The following SLAIN1 variants were observed in gnomAD, a reference collection of about 807,000 sequenced individuals.
SLAIN1 encodes SLAIN family member 1.
A neutral mutation model predicts 55.4 loss-of-function variants in SLAIN1; 17 were observed. The ratio of observed to expected loss-of-function variants is 0.31; its 90% CI spans 0.21 to 0.46. The LOEUF (loss-of-function observed/expected upper bound fraction) is 0.46. SLAIN1 is among the 20% of genes least tolerant of loss of function. SLAIN1 has a pLI of 1.00. For synonymous variants in SLAIN1, 348 were observed against 337.4 expected, an observed-to-expected ratio of 1.03 and a Z score of -0.35; for missense variants, 682 against 785.1, an observed-to-expected ratio of 0.87 and a Z score of 1.57.
At chr13:77,743,239 T>A in intron 2 of SLAIN1, 1 of 1,151,630 alleles carries the variant, frequency 8.7e-7, no homozygotes, top group Non-Finnish European at 1.1e-6. Flanking sequence ...TATTCATCTT[T>A]CATTTGAAAA....
Position 77,697,989 on chromosome 13 carries a change from G to GAGCTGGAGGTGAAGA in SLAIN1, c.82_96dup (p.Glu28_Leu32dup). ...GGGCTCCGGGCCGGTGGTGAACGCGGAGCTGGAGGTGAAGAAGCTGCAGGA... is the reference window on the plus strand; with the variant it reads ...GGGCTCCGGGCCGGTGGTGAACGCGGAGCTGGAGGTGAAGAAGCTGGAGGTGAAGAAGCTGCAGGA... On this transcript the variant is annotated inframe_insertion, in exon 1 of 7. Transcript: ENST00000418532. The GAGCTGGAGGTGAAGA allele has an allele frequency of 6.9e-7, 1 of 1,444,552 alleles. No homozygotes were observed. Among genetic ancestry groups the GAGCTGGAGGTGAAGA allele is most frequent in the Non-Finnish European group, 9.2e-7 (1 of 1,089,390 alleles). 89.5% of individuals were successfully genotyped at this position (1,444,552 alleles called of 1,614,324 possible).
intron 2 of SLAIN1, among the ~76,000 whole-genome samples, chr13:77,731,442 G>T (rs1334925010): frequency 6.6e-6 from 1 of 152,118 alleles, no homozygotes; most frequent in Non-Finnish European, 1.5e-5. Flanking sequence ...ATCTTAAAAT[G>T]GTTGAAAGTT....
chr13:77,750,204 C>G (rs1242501777), intron 4 of SLAIN1, among the ~76,000 whole-genome samples: 2 of 151,968 alleles, frequency 1.3e-5, no homozygotes, highest in East Asian at 3.9e-4. Context: ...TTAAATATGG[C>G]AAAATGGAAA....
At chr13:77,708,742 G>C (rs1460092926) in intron 1 of SLAIN1, among the ~76,000 whole-genome samples, 5 of 152,122 alleles carry the variant, frequency 3.3e-5, no homozygotes, top group Non-Finnish European at 7.4e-5. Flanking sequence ...CGTCCACACA[G>C]AAACCCCATC....
intron 2 of SLAIN1, among the ~76,000 whole-genome samples, chr13:77,727,522 A>G (rs142709682): frequency 6.6e-6 from 1 of 151,848 alleles, no homozygotes; most frequent in East Asian, 1.9e-4. Context: ...AAAAACAAAA[A>G]CCCTCAAAAA....
chr13:77,699,561 G>T (rs2091010957), intron 1 of SLAIN1, among the ~76,000 whole-genome samples: 2 of 152,124 alleles, frequency 1.3e-5, no homozygotes, highest in African/African-American at 2.4e-5. Context: ...TTGCATGATT[G>T]CATGGAAGGG....
intron 2 of SLAIN1, among the ~76,000 whole-genome samples, chr13:77,735,086 C>T (rs1337609164): frequency 6.6e-6 from 1 of 151,838 alleles, no homozygotes; most frequent in African/African-American, 2.4e-5. Context: ...CTACAACTTG[C>T]TATAACATTT....
At position 77,760,928 on chromosome 13, in the gene SLAIN1, C is replaced by G; in HGVS notation, c.1515C>G (p.Thr505=). The change falls in exon 6 of 7, where the codon ACC becomes ACG. Residue 505 remains threonine, a synonymous_variant. Coordinates refer to ENST00000418532, the MANE Select transcript of SLAIN1 (RefSeq NM_001242868.2). ...PLKATAYVSP[T]VQGSSNMPLS... ...AAGCCACAGCCTATGTGAGTCCAAC[C>G]GTTCAAGGCAGCAGTAACATGCCTT... 1.9e-6 allele frequency: 3 copies of G among 1,614,140 alleles called. No homozygotes were observed. Among genetic ancestry groups the G allele is most frequent in the Non-Finnish European group, 2.5e-6 (3 of 1,180,016 alleles).
At chr13:77,721,619 C>A (rs2091263095) in intron 2 of SLAIN1, among the ~76,000 whole-genome samples, 1 of 151,734 alleles carries the variant, frequency 6.6e-6, no homozygotes, top group African/African-American at 2.4e-5. Flanking sequence ...GATAGATAGT[C>A]AATATTTTAG....
chr13:77,749,693 C>G (rs190508686), intron 4 of SLAIN1, among the ~76,000 whole-genome samples: 2 of 152,222 alleles, frequency 1.3e-5, no homozygotes, highest in African/African-American at 4.8e-5. Flanking sequence ...ACTTTTGGTT[C>G]CCTGAACTTT....
At chr13:77,725,553 T>G (rs1201832150) in intron 2 of SLAIN1, among the ~76,000 whole-genome samples, 1 of 152,240 alleles carries the variant, frequency 6.6e-6, no homozygotes, top group Non-Finnish European at 1.5e-5. Flanking sequence ...GCTTATGTAA[T>G]ATTTGAGCAA....
intron 1 of SLAIN1, among the ~76,000 whole-genome samples, chr13:77,701,691 G>A (rs1377642350): frequency 6.6e-6 from 1 of 152,062 alleles, no homozygotes; most frequent in African/African-American, 2.4e-5. Context: ...GGAATTAAGT[G>A]TCTCAGAAAG....
intron 2 of SLAIN1, among the ~76,000 whole-genome samples, chr13:77,730,030 C>G (rs1209380568): frequency 2.0e-5 from 3 of 152,072 alleles, no homozygotes; most frequent in African/African-American, 7.2e-5. Context: ...GTCTTTCAGT[C>G]TCAGAGACAT....
At chr13:77,760,736 C>A in intron 5 of SLAIN1, 92 bp from the exon 6 acceptor site, 1 of 1,358,200 alleles carries the variant, frequency 7.4e-7, no homozygotes, top group Non-Finnish European at 1.0e-6. Context: ...ATTGTACTCT[C>A]AGGCATAATG....
In SLAIN1 at chr13:77,746,653, T is replaced by C. The variant is rs970271246; in HGVS notation, c.1056T>C (p.Asp352=). Residue 352 remains aspartate (D), a synonymous_variant, in exon 4 of 7, where the codon GAT becomes GAC. Coordinates refer to ENST00000418532, the MANE Select transcript of SLAIN1 (RefSeq NM_001242868.2). ...QYSLEDEEEF[D]HLPPPQPRLP... is the part of the protein sequence containing the mutation. ...GTCTGGAGGATGAAGAGGAATTTGA[T>C]CATTTGCCACCACCTCAGCCTCGTC... The C allele has an allele frequency of 2.5e-6, 4 of 1,613,784 alleles. No homozygotes were observed. Among genetic ancestry groups the C allele is most frequent in the Non-Finnish European group, 2.5e-6 (3 of 1,179,788 alleles).
Position 77,698,450 on chromosome 13 carries a change from G to A in SLAIN1, c.537G>A (p.Pro179=). 1 of 1,437,868 alleles carries A rather than the reference G, an allele frequency of 7.0e-7. No individual in the cohort carries two copies. The highest frequency in any genetic ancestry group is 9.1e-7 in the Non-Finnish European group (1 of 1,100,666). 89.1% of individuals were successfully genotyped at this position (1,437,868 alleles called of 1,614,324 possible). Residue 179 remains proline, a synonymous_variant, in exon 1 of 7, where the codon CCG becomes CCA. Coordinates refer to ENST00000418532, the MANE Select transcript of SLAIN1 (RefSeq NM_001242868.2). The surrounding 1 kb of genome is among the most constrained non-coding windows in gnomAD (Gnocchi z 4.1). ...AGTPPGAAAA[P]PSPPPTLLDE... ...CGCCGCCAGGGGCAGCTGCAGCGCC[G>A]CCCTCGCCGCCCCCCACGCTGCTGG...
intron 4 of SLAIN1, 103 bp downstream of exon 4, chr13:77,746,958 T>C: frequency 9.5e-7 from 1 of 1,049,456 alleles, no homozygotes; most frequent in Non-Finnish European, 1.4e-6. Flanking sequence ...ACAGAATCTG[T>C]CTCTGTCTCC....
chr13:77,755,300 T>C (rs535150880), intron 5 of SLAIN1, among the ~76,000 whole-genome samples: 31 of 150,416 alleles, frequency 2.1e-4, no homozygotes, highest in Admixed American at 8.6e-4. Context: ...GCCTGGGCAA[T>C]AGATAGAATG....
intron 1 of SLAIN1, among the ~76,000 whole-genome samples, chr13:77,716,077 T>C (rs2091203836): frequency 6.6e-6 from 1 of 152,066 alleles, no homozygotes; most frequent in African/African-American, 2.4e-5. Context: ...CTGTGCTCTA[T>C]TTTGAGTTAG....
Sources: allele counts gnomAD v4.1 joint callset (sites outside exome capture counted in the v4.1 genomes callset), GRCh38; gene constraint gnomAD v4.1.1; non-coding constraint Gnocchi (gnomAD v3.1); transcripts MANE v1.5; gene names NCBI Gene and HGNC (gene_info 2026-07-23, HGNC 2026-07-21).